Variants in ITPR1 observed in about 807,000 individuals in gnomAD.
The protein encoded by ITPR1 is inositol 1,4,5-trisphosphate-gated calcium channel ITPR1.
In ITPR1, 96 loss-of-function variants were observed where a neutral mutation model predicts 318.4. The ratio of observed to expected loss-of-function variants is 0.30; its 90% CI spans 0.26 to 0.36. The LOEUF is 0.36. Ranked by LOEUF, ITPR1 falls within the 10% of genes least tolerant of loss-of-function variation. The probability of loss-of-function intolerance (pLI) is 1.00; values close to 1 mark genes in which losing one functional copy is unlikely to be tolerated. For missense variants in ITPR1, 2,440 were observed against 3,460.2 expected, an observed-to-expected ratio of 0.71 and a Z score of 7.40; for synonymous variants, 1,312 against 1,289.9, an observed-to-expected ratio of 1.02 and a Z score of -0.37.
chr3:4,620,758 G>C (rs1393999447), intron 4 of ITPR1, among the ~76,000 whole-genome samples: 1 of 140,002 alleles, frequency 7.1e-6, no homozygotes, highest in Non-Finnish European at 1.5e-5. Flanking sequence ...GTGAAGCTTT[G>C]AATCAAGTTC....
intron 44 of ITPR1, among the ~76,000 whole-genome samples, chr3:4,757,078 T>C (rs2045055747): frequency 6.6e-6 from 1 of 152,260 alleles, no homozygotes; most frequent in East Asian, 1.9e-4. Flanking sequence ...GTTAAGTAAA[T>C]TGCCCACAAT....
intron 4 of ITPR1, among the ~76,000 whole-genome samples, chr3:4,563,121 C>T (rs982985844): frequency 2.6e-5 from 4 of 152,098 alleles, no homozygotes; most frequent in Non-Finnish European, 4.4e-5. Flanking sequence ...GATGTAGGTA[C>T]GTGCAGTGTT....
intron 33 of ITPR1, among the ~76,000 whole-genome samples, chr3:4,694,782 G>T (rs951134666): frequency 1.3e-5 from 2 of 152,196 alleles, no homozygotes; most frequent in Admixed American, 6.5e-5. Context: ...TGACCAAAAT[G>T]TCATTAGTCA....
chr3:4,604,746 A>G (rs1408579512), intron 4 of ITPR1, among the ~76,000 whole-genome samples: 1 of 152,102 alleles, frequency 6.6e-6, no homozygotes, highest in Non-Finnish European at 1.5e-5. Flanking sequence ...ACCTGTGACT[A>G]CCAGAATAGA....
intron 17 of ITPR1, among the ~76,000 whole-genome samples, chr3:4,665,725 T>C (rs192083703): frequency 1.1e-3 from 170 of 152,310 alleles, no homozygotes; most frequent in African/African-American, 3.9e-3. Flanking sequence ...TTCTAAGTCA[T>C]TGTCTATAGA....
chr3:4,645,640 A>G lies in ITPR1; in HGVS notation c.767A>G (p.His256Arg). Residue 256 changes from histidine to arginine, a missense_variant, in exon 10 of 62, where the codon CAC becomes CGC. Transcript: ENST00000649015. ...GAGAAGTTTCTCACCTGTGACGAACACAGGAAGAAGCAGCACGTCTTCCTG... is the reference window on the plus strand; with the variant it reads ...GAGAAGTTTCTCACCTGTGACGAACGCAGGAAGAAGCAGCACGTCTTCCTG... ...EQEKFLTCDEHRKKQHVFLRT... is the reference protein window; with the variant it reads ...EQEKFLTCDERRKKQHVFLRT... 1.9e-6 allele frequency: 3 copies of G among 1,613,466 alleles called. No homozygotes were observed. The highest frequency in any genetic ancestry group is 2.5e-6 in the Non-Finnish European group (3 of 1,179,706).
chr3:4,559,485 A>G (rs1045817727), intron 4 of ITPR1, among the ~76,000 whole-genome samples: 1 of 152,196 alleles, frequency 6.6e-6, no homozygotes, highest in Non-Finnish European at 1.5e-5. Flanking sequence ...TTTAATGACT[A>G]AATTTAAACA....
In ITPR1 at chr3:4,554,410, A is replaced by G. The variant is rs138503170; in HGVS notation, c.163+33316A>G. 3.9e-5 allele frequency among the ~76,000 whole-genome samples: 6 copies of G among 152,328 alleles called. No individual in the cohort carries two copies. In the East Asian group the frequency reaches 1.2e-3, roughly 29 times the overall value. On this transcript the variant is annotated intron_variant, in intron 4 of 61. Coordinates refer to ENST00000649015, the MANE Select transcript of ITPR1 (RefSeq NM_001378452.1). ...TTCCTTTAGGAAGATTAGTCTGGTA[A>G]TTACGTGTATTGGCCTAGTTAGTAA...
chr3:4,628,621 C>T (rs963333445), intron 5 of ITPR1, among the ~76,000 whole-genome samples: 4 of 152,204 alleles, frequency 2.6e-5, no homozygotes, highest in Non-Finnish European at 4.4e-5. Context: ...TGAGCTACTT[C>T]ATTTTCTCCC....
Position 4,779,475 on chromosome 3 carries a change from C to A in ITPR1, c.6292-75C>A. On this transcript the variant is annotated intron_variant, in intron 48 of 61. Transcript: ENST00000649015. The surrounding 1 kb of genome is among the most constrained non-coding windows in gnomAD (Gnocchi z 4.0). ...TTTAGCCGGGATGCCTCCCATGTGC[C>A]AGTTGGCACCTGCATTCAGGCCGGG... The A allele has an allele frequency of 9.5e-7, 1 of 1,050,786 alleles. No individual in the cohort carries two copies. Among genetic ancestry groups the A allele is most frequent in the Non-Finnish European group, 1.5e-6 (1 of 671,522 alleles). The allele number at this position is 1,050,786 out of a possible 1,614,324, so 65.1% of individuals were successfully genotyped here. A position where few individuals can be genotyped will look rare whatever the true frequency, so the allele number is the denominator to read the frequency against.
chr3:4,622,566 G>C (rs1215055696), intron 4 of ITPR1, among the ~76,000 whole-genome samples: 2 of 151,738 alleles, frequency 1.3e-5, no homozygotes, highest in African/African-American at 4.8e-5. Context: ...TGGGACTACA[G>C]ATGCCCGCCA....
chr3:4,583,085 G>A (rs964792708), intron 4 of ITPR1, among the ~76,000 whole-genome samples: 1 of 152,112 alleles, frequency 6.6e-6, no homozygotes, highest in African/African-American at 2.4e-5. Flanking sequence ...AGAAGAAGAA[G>A]ATTTCTAAAA....
chr3:4,658,442 A>G (rs529022080), intron 13 of ITPR1, among the ~76,000 whole-genome samples, 164 bp downstream of exon 13: 1 of 152,040 alleles, frequency 6.6e-6, no homozygotes, highest in South Asian at 2.1e-4. Context: ...GATTTTTTTA[A>G]TGGCTCACCA....
chr3:4,528,804 G>A (rs1208629720), intron 4 of ITPR1, among the ~76,000 whole-genome samples: 1 of 152,106 alleles, frequency 6.6e-6, no homozygotes, highest in Non-Finnish European at 1.5e-5. Context: ...CCTCCAACTT[G>A]TTCTGTATTC....
At chr3:4,809,218 T>C (rs2048781320) in intron 55 of ITPR1, among the ~76,000 whole-genome samples, 2 of 152,218 alleles carry the variant, frequency 1.3e-5, no homozygotes, top group African/African-American at 2.4e-5. Flanking sequence ...GTTTCTCTTA[T>C]ACCATTTGAC....
At position 4,676,629 on chromosome 3, in the gene ITPR1, G is replaced by A; in HGVS notation, c.2795G>A (p.Arg932Lys). ...CCTTTCCTAGGCAGTAACGTGATGAGATCTATTCATGGCGTGGGAGAGCTG... is the reference window on the plus strand; with the variant it reads ...CCTTTCCTAGGCAGTAACGTGATGAAATCTATTCATGGCGTGGGAGAGCTG... ...VEKLKSSNVM[R>K]SIHGVGELMT... The change falls in exon 24 of 62, where the codon AGA becomes AAA. Residue 932 changes from arginine (R) to lysine (K), a missense_variant. Arg to Lys is a conservative substitution (Grantham distance 26). This residue lies in a region of ITPR1 where 478 missense variants were observed against 696.3 expected (regional missense o/e 0.69). Coordinates refer to ENST00000649015, the MANE Select transcript of ITPR1 (RefSeq NM_001378452.1). 6.2e-7 allele frequency: 1 copy of A among 1,613,658 alleles called. No homozygotes were observed. Among genetic ancestry groups the A allele is most frequent in the South Asian group, 1.1e-5 (1 of 91,024 alleles).
intron 47 of ITPR1, 118 bp from the exon 48 acceptor site, chr3:4,777,146 C>G (rs1405301101): frequency 4.9e-6 from 3 of 617,048 alleles, no homozygotes; most frequent in Non-Finnish European, 8.7e-6. Context: ...CAGCTCTCCC[C>G]TAGAGACATT....
At chr3:4,502,180 C>A (rs572092967) in intron 2 of ITPR1, among the ~76,000 whole-genome samples, 1 of 152,194 alleles carries the variant, frequency 6.6e-6, no homozygotes, top group Admixed American at 6.5e-5. Flanking sequence ...TCCCCACCCC[C>A]GTCTGTCCAC....
intron 4 of ITPR1, among the ~76,000 whole-genome samples, chr3:4,585,891 A>C (rs771498827): frequency 6.6e-6 from 1 of 151,950 alleles, no homozygotes; most frequent in Non-Finnish European, 1.5e-5. Context: ...CCTTCATTAG[A>C]TATTTCTCCT....
Sources: allele counts gnomAD v4.1 joint callset (sites outside exome capture counted in the v4.1 genomes callset), GRCh38; gene constraint gnomAD v4.1.1; regional missense constraint gnomAD v4.1.1; non-coding constraint Gnocchi (gnomAD v3.1); transcripts MANE v1.5; gene names NCBI Gene and HGNC (gene_info 2026-07-23, HGNC 2026-07-21).